The following ZNF101 variants were observed in gnomAD, a reference collection of about 807,000 sequenced individuals.
ZNF101 encodes the protein zinc finger protein 101, also known as zinc finger protein 101 (Y2).
ZNF101 carries 34 observed loss-of-function variants against 42.6 expected under a neutral mutation model. The ratio of observed to expected loss-of-function variants is 0.80; its 90% CI spans 0.61 to 1.06. ZNF101 has a LOEUF of 1.06. ZNF101 is among the 50% of genes least tolerant of loss of function. The probability of loss-of-function intolerance (pLI) is 0.00; values close to 1 mark genes in which losing one functional copy is unlikely to be tolerated. For synonymous variants in ZNF101, 158 were observed against 183.9 expected (o/e 0.86, Z 1.14); for missense variants, 466 against 530.9 (o/e 0.88, Z 1.20).
Position 19,679,890 on chromosome 19 carries a change from G to T in ZNF101, c.901G>T (p.Glu301Ter), listed in dbSNP as rs1191851304. ...TTGTTCCAGTTCCCTTCACAGACAT[G>T]AAAGAACTCATAGTGGAGGAAAACT... ...LSCSSSLHRH[E>*]RTHSGGKLYE... The change falls in exon 4 of 4, where the codon GAA becomes TAA. Residue 301 changes from glutamate to a stop codon, truncating the protein, a stop_gained. Coordinates refer to ENST00000592502, the MANE Select transcript of ZNF101 (RefSeq NM_033204.4). LOFTEE classifies it high-confidence loss of function. 6.2e-7 allele frequency: 1 copy of T among 1,614,112 alleles called. No individual in the cohort carries two copies.
intron 1 of ZNF101, among the ~76,000 whole-genome samples, chr19:19,673,576 A>T (rs1234803608): frequency 6.6e-6 from 1 of 151,848 alleles, no homozygotes; most frequent in African/African-American, 2.4e-5. Flanking sequence ...GAACACATGA[A>T]CACAAGATAT....
intron 1 of ZNF101, 71 bp from the exon 2 acceptor site, chr19:19,677,793 C>T (rs2062211227): frequency 6.3e-7 from 1 of 1,575,978 alleles, no homozygotes; most frequent in Non-Finnish European, 8.6e-7. Context: ...CATGGGATCA[C>T]TCATGTATTG....
At position 19,679,474 on chromosome 19, in the gene ZNF101, C is replaced by T. The variant is rs777500405; in HGVS notation, c.485C>T (p.Thr162Ile). 8 of 1,614,038 alleles carry T rather than the reference C, an allele frequency of 5.0e-6. No homozygotes were observed. Among genetic ancestry groups the T allele is most frequent in the South Asian group, 2.2e-5 (2 of 91,088 alleles). The stretch of plus-strand genomic sequence containing the variant: ...AGTAGTGGTGCACGGCGCACAGTAA[C>T]ACCAACTCGAAAGAGACCTTATGAA... Reference protein sequence around the residue: ...SPSSGARRTVTPTRKRPYECK... With the variant: ...SPSSGARRTVIPTRKRPYECK... The change falls in exon 4 of 4, where the codon ACA becomes ATA. Residue 162 changes from threonine (T) to isoleucine (I), a missense_variant. Coordinates refer to ENST00000592502, the MANE Select transcript of ZNF101 (RefSeq NM_033204.4).
At chr19:19,678,032 T>G in intron 2 of ZNF101, 42 bp downstream of exon 2, 1 of 1,593,560 alleles carries the variant, frequency 6.3e-7, no homozygotes, top group Non-Finnish European at 8.6e-7. Flanking sequence ...AGAAGACAAG[T>G]GTGTTTTGGT....
rs1483331841 is a variant in ZNF101 at position 19,681,772 on chromosome 19, C to G, written c.*1472C>G. ...AAAAAAATTAATCATGTGAGAACATCCACTCGAAAGAAATCCTATAAACGT... is the reference window on the plus strand; with the variant it reads ...AAAAAAATTAATCATGTGAGAACATGCACTCGAAAGAAATCCTATAAACGT... On this transcript the variant is annotated 3_prime_UTR_variant, in exon 4 of 4. Coordinates refer to ENST00000592502, the MANE Select transcript of ZNF101 (RefSeq NM_033204.4). 6.6e-6 allele frequency: 1 copy of G among 151,920 alleles called. No homozygotes were observed. Among genetic ancestry groups the G allele is most frequent in the African/African-American group, 2.4e-5 (1 of 41,368 alleles). 9.4% of individuals were successfully genotyped at this position (151,920 alleles called of 1,614,324 possible). A position where few individuals can be genotyped will look rare whatever the true frequency, so the allele number is the denominator to read the frequency against.
In ZNF101 at chr19:19,668,955, A is replaced by C; in HGVS notation, c.-9A>C. ...CCCAGGAAGGACCCAGGACACCCGG[A>C]AGCCGGAAATGGTGAGCGTGCGGAG... is the stretch of plus-strand genomic sequence containing the variant. On this transcript the variant is annotated 5_prime_UTR_variant, in exon 1 of 4. Transcript: ENST00000592502. 6.3e-7 allele frequency: 1 copy of C among 1,589,770 alleles called. No individual in the cohort carries two copies. Among genetic ancestry groups the C allele is most frequent in the Admixed American group, 1.8e-5 (1 of 56,104 alleles).
chr19:19,682,328 T>C lies in ZNF101; in HGVS notation c.*2028T>C, dbSNP rs956738406. 6.6e-6 allele frequency: 1 copy of C among 151,948 alleles called. No homozygotes were observed. Among genetic ancestry groups the C allele is most frequent in the Non-Finnish European group, 1.5e-5 (1 of 67,996 alleles). The allele number at this position is 151,948 out of a possible 1,614,324, so 9.4% of individuals were successfully genotyped here. On this transcript the variant is annotated 3_prime_UTR_variant, in exon 4 of 4. Transcript: ENST00000592502. ...TCTGACTTCTGGGTTCAAGCAATTC[T>C]CCTGCTTCAGTCTCCGAAGCATCTG...
At chr19:19,668,769 C>G, upstream of ZNF101, 1 of 623,996 alleles carries the variant, frequency 1.6e-6, no homozygotes, top group Non-Finnish European at 2.7e-6. Context: ...GGCAAACTGT[C>G]CAATCAGGTG....
In ZNF101 at chr19:19,679,961, C is replaced by G. The variant is rs533846981; in HGVS notation, c.972C>G (p.Ser324=). Residue 324 remains serine (S), a synonymous_variant, in exon 4 of 4, where the codon TCC becomes TCG. Transcript: ENST00000592502. The part of the protein sequence containing the change: ...KCAKVFRCPT[S]LQAHERAHTG... ...CCAAAGTCTTTAGATGTCCCACGTC[C>G]CTTCAAGCACATGAAAGAGCTCACA... 5 of 1,613,406 alleles carry G rather than the reference C, an allele frequency of 3.1e-6. No individual in the cohort carries two copies.
rs1268573801 is a variant in ZNF101 at position 19,681,433 on chromosome 19, GAA to G, written c.*1135_*1136del. ...AACGTTAGTAGTTTGGAAAATACAGGAAACTTCCATTTTAACAATAATTAAAA... is the reference window on the plus strand; with the variant it reads ...AACGTTAGTAGTTTGGAAAATACAGGACTTCCATTTTAACAATAATTAAAA... On this transcript the variant is annotated 3_prime_UTR_variant, in exon 4 of 4. Coordinates refer to ENST00000592502, the MANE Select transcript of ZNF101 (RefSeq NM_033204.4). 1 of 152,194 alleles carries G rather than the reference GAA, an allele frequency of 6.6e-6. No individual in the cohort carries two copies. The highest frequency in any genetic ancestry group is 2.4e-5 in the African/African-American group (1 of 41,454). The allele number at this position is 152,194 out of a possible 1,614,324, so 9.4% of individuals were successfully genotyped here. A position where few individuals can be genotyped will look rare whatever the true frequency, so the allele number is the denominator to read the frequency against.
At chr19:19,673,684 ATTCTTTTTT>A (rs1193434143) in intron 1 of ZNF101, among the ~76,000 whole-genome samples, 1 of 122,718 alleles carries the variant, frequency 8.1e-6, no homozygotes, top group Non-Finnish European at 1.7e-5. Context: ...TAAGCGTTCA[ATTCTTTTTT>A]TTTTTTTTTT....
At chr19:19,671,910 C>T (rs1418088681) in intron 1 of ZNF101, among the ~76,000 whole-genome samples, 2 of 151,790 alleles carry the variant, frequency 1.3e-5, no homozygotes, top group Non-Finnish European at 2.9e-5. Context: ...TTGACTTCAA[C>T]GGCTTGTAAC....
intron 1 of ZNF101, among the ~76,000 whole-genome samples, chr19:19,670,870 CA>C (rs2062164006): frequency 6.6e-6 from 1 of 152,160 alleles, no homozygotes. Context: ...CTTTGGGAGG[CA>C]GAGGCAGGCA....
intron 1 of ZNF101, 133 bp downstream of exon 1, chr19:19,669,099 G>C (rs1339605999): frequency 2.3e-6 from 3 of 1,282,196 alleles, no homozygotes; most frequent in East Asian, 2.7e-5. Flanking sequence ...CTCGACCCTT[G>C]GTCCCCTCGG....
chr19:19,679,410 C>A lies in ZNF101; in HGVS notation c.421C>A (p.Arg141Ser). 6.2e-7 allele frequency: 1 copy of A among 1,613,860 alleles called. No homozygotes were observed. Among genetic ancestry groups the A allele is most frequent in the Non-Finnish European group, 8.5e-7 (1 of 1,179,864 alleles). The change falls in exon 4 of 4, where the codon CGT (arginine) becomes AGT (serine). Residue 141 changes from arginine to serine, a missense_variant. By Grantham distance (110) the Arg-to-Ser change is moderately radical (BLOSUM62 -1). Coordinates refer to ENST00000592502, the MANE Select transcript of ZNF101 (RefSeq NM_033204.4). ...TGGTGGGGAATGGAGAGAGACGCCC[C>A]GTAAACAGAAACAACATGGGAAAGC... is the stretch of plus-strand genomic sequence containing the variant. ...ECGGEWRETP[R>S]KQKQHGKASI...
In ZNF101 at chr19:19,679,660, G is replaced by A. The variant is rs148650417; in HGVS notation, c.671G>A (p.Arg224His). 8.6e-4 allele frequency: 1,388 copies of A among 1,613,552 alleles called. 2 individuals carry two copies. Among genetic ancestry groups the A allele is most frequent in the Non-Finnish European group, 1.1e-3 (1,334 of 1,179,770 alleles). Residue 224 changes from arginine (R) to histidine (H), a missense_variant, in exon 4 of 4, where the codon CGC becomes CAC. By Grantham distance (29) the Arg-to-His change is conservative (BLOSUM62 0). Transcript: ENST00000592502. The stretch of plus-strand genomic sequence containing the variant: ...GGAAAAATGCATACTGGAGAAAAAC[G>A]CTATGAATGTAAATACTGTGGAAAA... ...KHGKMHTGEK[R>H]YECKYCGKPI... is the part of the protein sequence containing the mutation.
chr19:19,670,965 G>C (rs2062164853), intron 1 of ZNF101, among the ~76,000 whole-genome samples: 1 of 152,230 alleles, frequency 6.6e-6, no homozygotes, highest in Non-Finnish European at 1.5e-5. Context: ...AATTAGCCAG[G>C]CGTGGTGGCG....
chr19:19,677,599 T>G, intron 1 of ZNF101: 1 of 343,876 alleles, frequency 2.9e-6, no homozygotes, highest in Non-Finnish European at 5.4e-6. Context: ...GCAAAGAGCA[T>G]TTGGGGCAAC....
In ZNF101 at chr19:19,681,922, CTTTTTTTTTTT is replaced by C. The variant is rs754374535; in HGVS notation, c.*1630_*1640del. Reference sequence around the variant, plus strand: ...ATCAGTGGCTCATTCTTTTTTCTTTCTTTTTTTTTTTTTTTTTTGAGATGGAGTTTTGCCCT... The same window carrying C: ...ATCAGTGGCTCATTCTTTTTTCTTTCTTTTTTTGAGATGGAGTTTTGCCCT... On this transcript the variant is annotated 3_prime_UTR_variant, in exon 4 of 4. Coordinates refer to ENST00000592502, the MANE Select transcript of ZNF101 (RefSeq NM_033204.4). The C allele has an allele frequency of 8.0e-6, 1 of 124,892 alleles. No individual in the cohort carries two copies. Among genetic ancestry groups the C allele is most frequent in the Non-Finnish European group, 1.7e-5 (1 of 59,656 alleles). 7.7% of individuals were successfully genotyped at this position (124,892 alleles called of 1,614,324 possible).
Sources: allele counts gnomAD v4.1 joint callset (sites outside exome capture counted in the v4.1 genomes callset), GRCh38; gene constraint gnomAD v4.1.1; transcripts MANE v1.5; gene names NCBI Gene and HGNC (gene_info 2026-07-23, HGNC 2026-07-21).